CORIN: variants seen among roughly 807,000 people sequenced by gnomAD.
The protein encoded by CORIN is atrial natriuretic peptide-converting enzyme.
CORIN carries 117 observed loss-of-function variants against 125.3 expected under a neutral mutation model. The ratio of observed to expected loss-of-function variants is 0.93; its 90% CI spans 0.80 to 1.09. The LOEUF (loss-of-function observed/expected upper bound fraction) is 1.09. Ranked by LOEUF, CORIN falls within the 50% of genes least tolerant of loss-of-function variation. The pLI is 0.00. For missense variants in CORIN, 1,253 were observed against 1,306.7 expected, an observed-to-expected ratio of 0.96 and a Z score of 0.63; for synonymous variants, 450 against 466.4, an observed-to-expected ratio of 0.96 and a Z score of 0.45.
chr4:47,666,464 G>A (rs1305524507), intron 10 of CORIN, among the ~76,000 whole-genome samples: 1 of 152,176 alleles, frequency 6.6e-6, no homozygotes, highest in Non-Finnish European at 1.5e-5. Flanking sequence ...ATCTCGATAG[G>A]AAAAAGGATG....
intron 5 of CORIN, among the ~76,000 whole-genome samples, chr4:47,723,974 C>T (rs760849789): frequency 6.0e-4 from 79 of 132,512 alleles, no homozygotes; most frequent in African/African-American, 8.6e-4. Flanking sequence ...CCAGCCTGGA[C>T]GACAGAGTGA....
At chr4:47,766,751 C>G (rs936214966) in intron 3 of CORIN, among the ~76,000 whole-genome samples, 5 of 151,614 alleles carry the variant, frequency 3.3e-5, no homozygotes, top group Non-Finnish European at 7.4e-5. Context: ...TTCGAGACCA[C>G]CCTGGCCAAC....
At chr4:47,706,514 C>A (rs1726563681) in intron 5 of CORIN, 2 of 1,611,514 alleles carry the variant, frequency 1.2e-6, no homozygotes, top group East Asian at 2.2e-5. Flanking sequence ...CCTGATAAAG[C>A]GCGCCAACTG....
intron 19 of CORIN, among the ~76,000 whole-genome samples, chr4:47,619,909 C>T (rs1722236955): frequency 6.6e-6 from 1 of 152,160 alleles, no homozygotes; most frequent in Non-Finnish European, 1.5e-5. Flanking sequence ...AACATCTGGC[C>T]CCTTCTAAAG....
At chr4:47,710,261 C>T (rs935972420) in intron 5 of CORIN, among the ~76,000 whole-genome samples, 4 of 152,142 alleles carry the variant, frequency 2.6e-5, no homozygotes, top group South Asian at 2.1e-4. Flanking sequence ...CTGAAGTTCA[C>T]GTGAAAATAA....
chr4:47,625,870 G>A (rs1722534104), intron 17 of CORIN, among the ~76,000 whole-genome samples: 1 of 152,134 alleles, frequency 6.6e-6, no homozygotes, highest in Non-Finnish European at 1.5e-5. Flanking sequence ...TAAGAACTTA[G>A]TAAGTGTAAA....
intron 16 of CORIN, among the ~76,000 whole-genome samples, chr4:47,633,311 G>T (rs1722912068): frequency 6.6e-6 from 1 of 151,684 alleles, no homozygotes; most frequent in Non-Finnish European, 1.5e-5. Context: ...ATTGTAATGT[G>T]AACTAAAATT....
At chr4:47,765,110 G>A (rs778727839) in intron 3 of CORIN, among the ~76,000 whole-genome samples, 2 of 152,068 alleles carry the variant, frequency 1.3e-5, no homozygotes, top group Non-Finnish European at 2.9e-5. Context: ...AGGAGACTGA[G>A]ACCATCCTGG....
chr4:47,602,604 A>G (rs778097412), intron 20 of CORIN, among the ~76,000 whole-genome samples: 3 of 152,112 alleles, frequency 2.0e-5, no homozygotes, highest in Non-Finnish European at 2.9e-5. Flanking sequence ...AGGCAGATAG[A>G]GAGAGTCCAA....
intron 5 of CORIN, among the ~76,000 whole-genome samples, chr4:47,730,794 T>G (rs1727842463): frequency 6.6e-6 from 1 of 152,238 alleles, no homozygotes; most frequent in Admixed American, 6.5e-5. Flanking sequence ...ACCAAGGGCT[T>G]TTATACTGAG....
intron 5 of CORIN, among the ~76,000 whole-genome samples, chr4:47,700,825 C>T (rs1726254297): frequency 6.6e-6 from 1 of 152,242 alleles, no homozygotes; most frequent in South Asian, 2.1e-4. Flanking sequence ...CCTCCACCCT[C>T]CAGACATTTC....
chr4:47,794,600 C>A (rs776476392), intron 2 of CORIN, among the ~76,000 whole-genome samples: 3 of 152,046 alleles, frequency 2.0e-5, no homozygotes, highest in Non-Finnish European at 4.4e-5. Flanking sequence ...AAAACCAAGT[C>A]TTCGACAGGC....
chr4:47,758,008 G>C (rs1404615482), intron 4 of CORIN, among the ~76,000 whole-genome samples: 1 of 151,218 alleles, frequency 6.6e-6, no homozygotes, highest in Non-Finnish European at 1.5e-5. Context: ...CCACCTCCCG[G>C]ATTCATGCCA....
intron 6 of CORIN, among the ~76,000 whole-genome samples, chr4:47,687,325 T>C (rs1419267010): frequency 6.6e-6 from 1 of 152,194 alleles, no homozygotes; most frequent in African/African-American, 2.4e-5. Context: ...AATGTTTATT[T>C]GACCTGGAAA....
At position 47,637,684 on chromosome 4, in the gene CORIN, T is replaced by C. The variant is rs565799315; in HGVS notation, c.2198+4236A>G. 6.0e-4 allele frequency among the ~76,000 whole-genome samples: 91 copies of C among 152,342 alleles called. 2 individuals are homozygous for C. The South Asian group carries it at 0.018, about 31-fold the overall frequency. On this transcript the variant is annotated intron_variant, in intron 16 of 21. Coordinates refer to ENST00000273857, the MANE Select transcript of CORIN (RefSeq NM_006587.4). ...TCAGGAATTGGGATTTGGGAACCTC[T>C]GCCTAGATTTCAGAAGATGTGTGGA...
intron 1 of CORIN, among the ~76,000 whole-genome samples, chr4:47,810,862 C>T (rs1013065980): frequency 1.3e-5 from 2 of 152,198 alleles, no homozygotes; most frequent in African/African-American, 4.8e-5. Flanking sequence ...GACCACTTGA[C>T]ATCTCCTCAT....
intron 4 of CORIN, among the ~76,000 whole-genome samples, chr4:47,755,141 C>T (rs1729078146): frequency 1.3e-5 from 2 of 152,080 alleles, no homozygotes; most frequent in African/African-American, 2.4e-5. Flanking sequence ...GTTTAAATAC[C>T]TCCAGTAATA....
At chr4:47,823,714 T>C (rs1732619079) in intron 1 of CORIN, among the ~76,000 whole-genome samples, 2 of 152,242 alleles carry the variant, frequency 1.3e-5, no homozygotes, top group South Asian at 4.1e-4. Flanking sequence ...AGCTGGTTTA[T>C]TGTTAATACA....
At chr4:47,648,400 C>T (rs1353385980) in intron 13 of CORIN, among the ~76,000 whole-genome samples, 2 of 152,192 alleles carry the variant, frequency 1.3e-5, no homozygotes, top group Non-Finnish European at 2.9e-5. Context: ...CAAAGTGTCC[C>T]TTGTTCCAAA....
Sources: allele counts gnomAD v4.1 joint callset (sites outside exome capture counted in the v4.1 genomes callset), GRCh38; gene constraint gnomAD v4.1.1; transcripts MANE v1.5; gene names NCBI Gene and HGNC (gene_info 2026-07-23, HGNC 2026-07-21).